The following CSPP1 variants were observed in gnomAD, a reference collection of about 807,000 sequenced individuals.
CSPP1 encodes centrosome and spindle pole-associated protein 1.
A neutral mutation model predicts 164.4 loss-of-function variants in CSPP1; 126 were observed. The observed-to-expected ratio is 0.77, with a 90% CI of 0.66 to 0.89. The LOEUF is 0.89. CSPP1 is among the 40% of genes least tolerant of loss of function. The pLI is 0.00. For synonymous variants in CSPP1, 472 were observed against 476.7 expected (o/e 0.99, Z 0.13); for missense variants, 1,395 against 1,449.8 (o/e 0.96, Z 0.61).
rs116784395 is a variant in CSPP1 at position 67,100,168 on chromosome 8, G to A, written c.924-2869G>A. Among the ~76,000 whole-genome samples, 989 of 152,120 alleles carry A rather than the reference G, an allele frequency of 6.5e-3. 7 individuals are homozygous for A. Among genetic ancestry groups the A allele is most frequent in the African/African-American group, 0.023 (948 of 41,502 alleles). On this transcript the variant is annotated intron_variant, in intron 7 of 30. Transcript: ENST00000678616. ...TAATGATTTTTTTCTTCAATGAAAG[G>A]TATACCTTAGAACATCTTTCATATG...
At chr8:67,182,328 T>A (rs1269224286) in intron 28 of CSPP1, among the ~76,000 whole-genome samples, 1 of 151,108 alleles carries the variant, frequency 6.6e-6, no homozygotes, top group African/African-American at 2.5e-5. Context: ...TTTTTTTTTT[T>A]ATGCTGTGAA....
chr8:67,142,362 C>A (rs1388256736), intron 17 of CSPP1, among the ~76,000 whole-genome samples: 1 of 152,180 alleles, frequency 6.6e-6, no homozygotes, highest in Non-Finnish European at 1.5e-5. Context: ...ATTAGTTAGT[C>A]AGTTCTCTTA....
chr8:67,192,066 GTTT>G (rs34907123), intron 29 of CSPP1, among the ~76,000 whole-genome samples: 30 of 129,864 alleles, frequency 2.3e-4, no homozygotes, highest in Non-Finnish European at 4.1e-4. Context: ...TTGCTGATTT[GTTT>G]TTTTTTTTGT....
chr8:67,065,398 C>A, intron 1 of CSPP1: 1 of 201,536 alleles, frequency 5.0e-6, no homozygotes, highest in Non-Finnish European at 8.8e-6. Flanking sequence ...TGAAGTAAAC[C>A]ATCACCTACT....
At chr8:67,069,128 G>A (rs1806187910) in intron 1 of CSPP1, 1 of 152,222 alleles carries the variant, frequency 6.6e-6, no homozygotes, top group African/African-American at 2.4e-5. Flanking sequence ...CCCATGGTGT[G>A]TGTTCTCCGT....
chr8:67,173,510 A>G (rs1345181067), intron 25 of CSPP1: 1 of 152,178 alleles, frequency 6.6e-6, no homozygotes, highest in Non-Finnish European at 1.5e-5. Context: ...TAGGCTTTTT[A>G]TCCTTTTGAA....
intron 28 of CSPP1, among the ~76,000 whole-genome samples, chr8:67,181,925 T>C (rs1198685613): frequency 6.6e-6 from 1 of 152,214 alleles, no homozygotes; most frequent in Non-Finnish European, 1.5e-5. Context: ...TCATACAGTA[T>C]CTATCCTTTG....
chr8:67,145,087 A>G (rs1292187428), intron 17 of CSPP1, among the ~76,000 whole-genome samples: 1 of 151,724 alleles, frequency 6.6e-6, no homozygotes, highest in African/African-American at 2.4e-5. Context: ...TCACCAGTGA[A>G]GCCATCTGGG....
At chr8:67,072,917 A>G (rs1188884402) in intron 1 of CSPP1, among the ~76,000 whole-genome samples, 1 of 152,068 alleles carries the variant, frequency 6.6e-6, no homozygotes, top group Non-Finnish European at 1.5e-5. Flanking sequence ...AATTTTAACA[A>G]AAGGGCAGAT....
chr8:67,122,856 C>T (rs982689043), intron 15 of CSPP1, among the ~76,000 whole-genome samples: 1 of 151,208 alleles, frequency 6.6e-6, no homozygotes, highest in African/African-American at 2.4e-5. Flanking sequence ...TGTGTGTGTT[C>T]TGATATACAG....
At chr8:67,070,417 C>T (rs529794799) in intron 1 of CSPP1, among the ~76,000 whole-genome samples, 2 of 149,636 alleles carry the variant, frequency 1.3e-5, no homozygotes, top group Admixed American at 6.7e-5. Flanking sequence ...GAGCCGAGAT[C>T]GCGCCACTGC....
chr8:67,095,594 G>C lies in CSPP1; in HGVS notation c.785G>C (p.Arg262Thr). ...KAGIPDRRFH[R>T]FNEDRVFDRR... ...GGCATTCCAGATAGAAGATTTCACA[G>C]ATTTAATGAGGATCGTGTTTTTGAT... Residue 262 changes from arginine to threonine, a missense_variant, in exon 7 of 31, where the codon AGA becomes ACA. By Grantham distance (71) the Arg-to-Thr change is moderately conservative. Transcript: ENST00000678616. 1 of 1,614,048 alleles carries C rather than the reference G, an allele frequency of 6.2e-7. No individual in the cohort carries two copies. Among genetic ancestry groups the C allele is most frequent in the Admixed American group, 1.7e-5 (1 of 60,004 alleles).
Position 67,112,071 on chromosome 8 carries a change from G to C in CSPP1, c.1187+6G>C. 1 of 1,595,372 alleles carries C rather than the reference G, an allele frequency of 6.3e-7. No homozygotes were observed. The highest frequency in any genetic ancestry group is 8.6e-7 in the Non-Finnish European group (1 of 1,165,336). On this transcript the variant is annotated splice_donor_region_variant and intron_variant, in intron 10 of 30. Transcript: ENST00000678616. The stretch of plus-strand genomic sequence containing the variant: ...CAACAGAGGAACAAGAGACGGTAAT[G>C]AAAGGTTTGCATTTAAAAGAGATAT...
At chr8:67,093,445 G>A (rs1812039067) in intron 5 of CSPP1, 98 bp from the exon 6 acceptor site, 1 of 700,244 alleles carries the variant, frequency 1.4e-6, no homozygotes, top group South Asian at 1.8e-5. Context: ...TAAGAGTTCT[G>A]ATATGTATGA....
chr8:67,105,241 G>A (rs934026844), intron 8 of CSPP1, among the ~76,000 whole-genome samples: 5 of 151,578 alleles, frequency 3.3e-5, no homozygotes, highest in Non-Finnish European at 7.4e-5. Flanking sequence ...AGCCAGGCTG[G>A]TCTCAAGCTC....
chr8:67,072,869 C>CAAA (rs58087584), intron 1 of CSPP1, among the ~76,000 whole-genome samples: 9 of 59,216 alleles, frequency 1.5e-4, no homozygotes, highest in African/African-American at 3.6e-4. Flanking sequence ...GAGCCTGTCT[C>CAAA]AAAAAAAAAA....
chr8:67,176,526 A>T (rs2129569095), intron 26 of CSPP1, among the ~76,000 whole-genome samples: 1 of 152,332 alleles, frequency 6.6e-6, no homozygotes, highest in African/African-American at 2.4e-5. Flanking sequence ...TTCTAGGATA[A>T]GCAGTAGGTA....
chr8:67,075,626 C>T (rs529121401), intron 2 of CSPP1, among the ~76,000 whole-genome samples: 39 of 152,266 alleles, frequency 2.6e-4, no homozygotes, highest in African/African-American at 7.5e-4. Context: ...AGGCTTTGAC[C>T]CCTGGCAGCC....
At chr8:67,138,087 C>CT (rs1822718884) in intron 17 of CSPP1, among the ~76,000 whole-genome samples, 3 of 152,136 alleles carry the variant, frequency 2.0e-5, no homozygotes, top group African/African-American at 7.2e-5. Context: ...ATCATAGAAA[C>CT]TTTCTAGCAA....
Sources: allele counts gnomAD v4.1 joint callset (sites outside exome capture counted in the v4.1 genomes callset), GRCh38; gene constraint gnomAD v4.1.1; transcripts MANE v1.5; gene names NCBI Gene and HGNC (gene_info 2026-07-23, HGNC 2026-07-21).